OPCML: variants seen among roughly 807,000 people sequenced by gnomAD.
OPCML encodes opioid binding protein/cell adhesion molecule like, also known as opioid-binding protein/cell adhesion molecule.
Under a neutral mutation model 37.8 loss-of-function variants are expected in OPCML, and 13 were observed. The ratio of observed to expected loss-of-function variants is 0.34; its 90% CI spans 0.22 to 0.55. The LOEUF is 0.55. Ranked by LOEUF, OPCML falls within the 20% of genes least tolerant of loss-of-function variation. The pLI is 0.91. For synonymous variants in OPCML, 176 were observed against 168.8 expected, an observed-to-expected ratio of 1.04 and a Z score of -0.33; for missense variants, 341 against 435.6, an observed-to-expected ratio of 0.78 and a Z score of 1.93.
rs1166722797 is a variant in OPCML at position 133,221,097 on chromosome 11, C to T, written c.62-278087G>A. On this transcript the variant is annotated intron_variant, in intron 1 of 7. Coordinates refer to ENST00000524381, the MANE Select transcript of OPCML (RefSeq NM_001012393.5). ...TCAGAGGCCTTCTTGAGTGCAGCTG[C>T]TCTCTCTTTATATGACACAGCTAAA... 1.3e-5 allele frequency among the ~76,000 whole-genome samples: 2 copies of T among 152,200 alleles called. 1 individual carries two copies. Among genetic ancestry groups the T allele is most frequent in the Non-Finnish European group, 2.9e-5 (2 of 68,044 alleles).
chr11:133,317,800 T>C (rs995770727), intron 1 of OPCML, among the ~76,000 whole-genome samples: 2 of 152,246 alleles, frequency 1.3e-5, no homozygotes, highest in African/African-American at 4.8e-5. Context: ...TCTTAAATTT[T>C]TCTCATGTGG....
At chr11:133,513,893 T>C (rs1365848556) in intron 1 of OPCML, among the ~76,000 whole-genome samples, 1 of 152,190 alleles carries the variant, frequency 6.6e-6, no homozygotes, top group Non-Finnish European at 1.5e-5. Context: ...CATCTAAAAT[T>C]GTTGTTGTCA....
intron 1 of OPCML, chr11:133,004,116 C>A: frequency 1.0e-6 from 1 of 985,378 alleles, no homozygotes; most frequent in Non-Finnish European, 1.2e-6. Context: ...GGAAGTTGGA[C>A]ACCCACACAT....
chr11:132,939,926 C>T (rs533993820), intron 2 of OPCML, among the ~76,000 whole-genome samples: 24 of 152,324 alleles, frequency 1.6e-4, no homozygotes, highest in South Asian at 1.2e-3. Context: ...AGCTATAATT[C>T]AACCATAGTG....
chr11:132,794,419 A>C (rs1432440728), intron 2 of OPCML, among the ~76,000 whole-genome samples: 1 of 152,220 alleles, frequency 6.6e-6, no homozygotes, highest in Non-Finnish European at 1.5e-5. Flanking sequence ...TGTTAGTTAA[A>C]ATATATGTTA....
At chr11:133,103,497 C>T (rs2137076366) in intron 1 of OPCML, among the ~76,000 whole-genome samples, 1 of 152,224 alleles carries the variant, frequency 6.6e-6, no homozygotes, top group African/African-American at 2.4e-5. Context: ...ACAACGAGGG[C>T]CAGGCATGGA....
rs140671645 is a variant in OPCML at position 133,317,123 on chromosome 11, A to G, written c.61+215141T>C. 6.7e-3 allele frequency among the ~76,000 whole-genome samples: 1,014 copies of G among 152,328 alleles called. 2 individuals are homozygous for G. The highest frequency in any genetic ancestry group is 0.014 in the Middle Eastern group (4 of 294). ...TGAGGCCCAAGAATCACCTGAACCC[A>G]GAGGCGGAGGTTGCAGTGAGCCAAG... On this transcript the variant is annotated intron_variant, in intron 1 of 7. Transcript: ENST00000524381.
At chr11:133,161,365 C>A (rs573638253) in intron 1 of OPCML, among the ~76,000 whole-genome samples, 1 of 152,066 alleles carries the variant, frequency 6.6e-6, no homozygotes, top group Admixed American at 6.5e-5. Flanking sequence ...AGAAAGTGTT[C>A]GTAATGGACG....
intron 1 of OPCML, among the ~76,000 whole-genome samples, chr11:133,475,973 G>T (rs1192725966): frequency 6.6e-6 from 1 of 152,156 alleles, no homozygotes; most frequent in Admixed American, 6.5e-5. Flanking sequence ...GCATCCATTT[G>T]GAAATCTCCC....
chr11:132,743,786 T>A (rs544459404), intron 2 of OPCML, among the ~76,000 whole-genome samples: 1 of 152,232 alleles, frequency 6.6e-6, no homozygotes, highest in Non-Finnish European at 1.5e-5. Context: ...TCCATGTTCA[T>A]GTGAAAAGCA....
At chr11:132,692,502 A>C (rs1324140273) in intron 2 of OPCML, among the ~76,000 whole-genome samples, 1 of 152,214 alleles carries the variant, frequency 6.6e-6, no homozygotes, top group Non-Finnish European at 1.5e-5. Flanking sequence ...TCAGTCTTAG[A>C]TCCAAAGCCA....
chr11:132,714,941 G>A (rs1399301355), intron 2 of OPCML, among the ~76,000 whole-genome samples: 3 of 152,198 alleles, frequency 2.0e-5, no homozygotes, highest in Admixed American at 6.5e-5. Context: ...ACAGTGCAAA[G>A]GAAGGGAGGG....
chr11:133,028,257 C>T (rs1947601239), intron 1 of OPCML, among the ~76,000 whole-genome samples: 1 of 151,828 alleles, frequency 6.6e-6, no homozygotes, highest in Non-Finnish European at 1.5e-5. Context: ...AAAATAAAAC[C>T]CAAGGAATAA....
At chr11:132,504,924 G>A (rs1463396252) in intron 4 of OPCML, among the ~76,000 whole-genome samples, 1 of 152,010 alleles carries the variant, frequency 6.6e-6, no homozygotes, top group African/African-American at 2.4e-5. Context: ...ATCACAATGG[G>A]CTTGCAATAC....
intron 3 of OPCML, among the ~76,000 whole-genome samples, chr11:132,648,521 C>CTT (rs770218241): frequency 0.013 from 1,820 of 139,476 alleles, 58 homozygotes; most frequent in African/African-American, 0.046. Flanking sequence ...TTCTCTCTGT[C>CTT]TTTTTTTTTT....
chr11:133,098,799 T>G (rs1232926713), intron 1 of OPCML, among the ~76,000 whole-genome samples: 1 of 152,210 alleles, frequency 6.6e-6, no homozygotes, highest in African/African-American at 2.4e-5. Flanking sequence ...CTTTTCATCC[T>G]TGTATTGGAA....
intron 1 of OPCML, among the ~76,000 whole-genome samples, chr11:133,404,369 A>C (rs1298329542): frequency 6.6e-6 from 1 of 152,254 alleles, no homozygotes; most frequent in East Asian, 1.9e-4. Flanking sequence ...TTTGTGTGAC[A>C]CAATTCAACC....
chr11:133,514,042 A>G (rs1407650151), intron 1 of OPCML, among the ~76,000 whole-genome samples: 1 of 152,226 alleles, frequency 6.6e-6, no homozygotes. Context: ...AGAGAATTGG[A>G]GAGCAAATTA....
intron 1 of OPCML, among the ~76,000 whole-genome samples, chr11:133,429,496 A>G (rs1472842961): frequency 6.6e-6 from 1 of 152,206 alleles, no homozygotes; most frequent in Admixed American, 6.5e-5. Flanking sequence ...TGATCACTCC[A>G]GTTTCTTTGT....
Sources: allele counts gnomAD v4.1 joint callset (sites outside exome capture counted in the v4.1 genomes callset), GRCh38; gene constraint gnomAD v4.1.1; transcripts MANE v1.5; gene names NCBI Gene and HGNC (gene_info 2026-07-23, HGNC 2026-07-21).